Variants in HMBOX1 observed in about 807,000 individuals in gnomAD.
The protein encoded by HMBOX1 is homeobox-containing protein 1.
A neutral mutation model predicts 54.5 loss-of-function variants in HMBOX1; 14 were observed. That is an observed-to-expected ratio of 0.26 (90% CI 0.17 to 0.40). The LOEUF (loss-of-function observed/expected upper bound fraction) is 0.40, where lower values mean the gene tolerates loss of function less well. Among genes scored for constraint, HMBOX1 ranks in the 10% least tolerant of loss-of-function variants. The pLI is 1.00. For missense variants in HMBOX1, 332 were observed against 514.4 expected (o/e 0.65, Z 3.43); for synonymous variants, 160 against 181.0 (o/e 0.88, Z 0.93).
At chr8:28,992,514 A>C (rs2132617317) in intron 4 of HMBOX1, among the ~76,000 whole-genome samples, 1 of 152,264 alleles carries the variant, frequency 6.6e-6, no homozygotes, top group Middle Eastern at 3.4e-3. Flanking sequence ...TGAACAATAA[A>C]TTTACTTTTT....
intron 1 of HMBOX1, among the ~76,000 whole-genome samples, chr8:28,911,377 T>C (rs1585724760): frequency 6.6e-6 from 1 of 152,176 alleles, no homozygotes; most frequent in Admixed American, 6.5e-5. Flanking sequence ...TTGACTTTTT[T>C]TGAAGTCTCC....
At chr8:28,955,402 G>C (rs1206731646) in intron 1 of HMBOX1, among the ~76,000 whole-genome samples, 1 of 152,020 alleles carries the variant, frequency 6.6e-6, no homozygotes, top group African/African-American at 2.4e-5. Context: ...ATGTATGTCT[G>C]CCTTTAGATA....
rs182258797 is a variant in HMBOX1 at position 28,929,498 on chromosome 8, A to G, written c.-57-34313A>G. On this transcript the variant is annotated intron_variant, in intron 1 of 9. Coordinates refer to ENST00000287701, the MANE Select transcript of HMBOX1 (RefSeq NM_001135726.3). The stretch of plus-strand genomic sequence containing the variant: ...ATGCCAGAAATATTTAGGATGTTAA[A>G]TTGACAGGACTTTGAATTGGATATG... Among the ~76,000 whole-genome samples, 47 of 152,340 alleles carry G rather than the reference A, an allele frequency of 3.1e-4. 1 individual carries two copies. The East Asian group carries it at 9.1e-3, about 29-fold the overall frequency.
intron 1 of HMBOX1, among the ~76,000 whole-genome samples, chr8:28,904,705 C>G (rs936613407): frequency 2.1e-5 from 3 of 146,320 alleles, no homozygotes; most frequent in Non-Finnish European, 4.5e-5. Flanking sequence ...GAGATGGAGT[C>G]TCGCTCTGTC....
At chr8:28,991,856 C>G (rs1248090980) in intron 4 of HMBOX1, among the ~76,000 whole-genome samples, 1 of 152,156 alleles carries the variant, frequency 6.6e-6, no homozygotes, top group East Asian at 1.9e-4. Flanking sequence ...AGCCTGCACC[C>G]TCTTAGCTAA....
chr8:29,045,420 G>A lies in HMBOX1; in HGVS notation c.911G>A (p.Cys304Tyr). 6.2e-7 allele frequency: 1 copy of A among 1,614,158 alleles called. No individual in the cohort carries two copies. The highest frequency in any genetic ancestry group is 8.5e-7 in the Non-Finnish European group (1 of 1,179,978). ...EAKREEIANA[C>Y]NAVIQKPGKK... The stretch of plus-strand genomic sequence containing the variant: ...AAGAGGGAAGAAATTGCAAACGCTT[G>A]CAATGCAGTTATACAGAAGCCAGGT... Residue 304 changes from cysteine (C) to tyrosine (Y), a missense_variant, in exon 7 of 10, where the codon TGC (cysteine) becomes TAC (tyrosine). Cys to Tyr is a radical substitution (Grantham distance 194). This residue lies in a region of HMBOX1 where 117 missense variants were observed against 220.0 expected (regional missense o/e 0.53). Coordinates refer to ENST00000287701, the MANE Select transcript of HMBOX1 (RefSeq NM_001135726.3).
At chr8:29,034,444 CTG>C (rs1803510778) in intron 6 of HMBOX1, among the ~76,000 whole-genome samples, 1 of 152,224 alleles carries the variant, frequency 6.6e-6, no homozygotes, top group Admixed American at 6.5e-5. Context: ...TGCAGTGTGA[CTG>C]TGAAGAAATT....
chr8:29,019,368 C>G (rs1194710985), intron 6 of HMBOX1, among the ~76,000 whole-genome samples: 1 of 151,758 alleles, frequency 6.6e-6, no homozygotes, highest in East Asian at 1.9e-4. Context: ...AATTTATCCT[C>G]TCATTCTGTC....
At chr8:28,905,329 G>T (rs1176102866) in intron 1 of HMBOX1, among the ~76,000 whole-genome samples, 1 of 151,894 alleles carries the variant, frequency 6.6e-6, no homozygotes, top group Non-Finnish European at 1.5e-5. Flanking sequence ...AAAACCAGGC[G>T]CGCGTGCATG....
chr8:29,035,320 G>A (rs916653096), intron 6 of HMBOX1, among the ~76,000 whole-genome samples: 3 of 152,198 alleles, frequency 2.0e-5, no homozygotes, highest in Admixed American at 1.3e-4. Flanking sequence ...TTGGTCAGTC[G>A]TGTCAGGTTT....
intron 3 of HMBOX1, among the ~76,000 whole-genome samples, chr8:28,975,174 A>G (rs1828165147): frequency 6.6e-6 from 1 of 152,178 alleles, no homozygotes; most frequent in Admixed American, 6.6e-5. Flanking sequence ...TTATATGCAA[A>G]CCCCATAATT....
chr8:28,941,873 C>G (rs530664699), intron 1 of HMBOX1, among the ~76,000 whole-genome samples: 1 of 152,224 alleles, frequency 6.6e-6, no homozygotes, highest in Non-Finnish European at 1.5e-5. Flanking sequence ...CTTTTAGTTT[C>G]CTCTTGCTTA....
chr8:28,909,095 T>TAAA (rs777937494), intron 1 of HMBOX1, among the ~76,000 whole-genome samples: 1 of 129,408 alleles, frequency 7.7e-6, no homozygotes, highest in Non-Finnish European at 1.7e-5. Context: ...ACCCTATCTC[T>TAAA]AAAAAAAAAA....
At chr8:28,989,442 G>A (rs988910379) in intron 4 of HMBOX1, among the ~76,000 whole-genome samples, 10 of 152,150 alleles carry the variant, frequency 6.6e-5, no homozygotes, top group Admixed American at 6.5e-4. Context: ...TAGAGATCCA[G>A]TTGTTGGAAA....
intron 2 of HMBOX1, among the ~76,000 whole-genome samples, chr8:28,968,686 A>G (rs116964440): frequency 0.015 from 2,212 of 152,336 alleles, 18 homozygotes; most frequent in Non-Finnish European, 0.02. Context: ...TTCAATAGCT[A>G]TAGGACACTG....
intron 1 of HMBOX1, among the ~76,000 whole-genome samples, chr8:28,914,672 G>A (rs1337358412): frequency 6.6e-6 from 1 of 152,206 alleles, no homozygotes; most frequent in Non-Finnish European, 1.5e-5. Flanking sequence ...CTAAGTTAGA[G>A]GGTCAGTAAC....
intron 2 of HMBOX1, 38 bp downstream of exon 2, chr8:28,963,928 TC>T: frequency 6.6e-7 from 1 of 1,506,314 alleles, no homozygotes; most frequent in Non-Finnish European, 9.2e-7. Flanking sequence ...ATCTTCACAA[TC>T]ATTTTAGTAA....
chr8:28,967,548 C>G (rs2132317730), intron 2 of HMBOX1, among the ~76,000 whole-genome samples: 1 of 152,228 alleles, frequency 6.6e-6, no homozygotes, highest in South Asian at 2.1e-4. Context: ...ACTAACTGCT[C>G]TGATATGAAT....
intron 1 of HMBOX1, among the ~76,000 whole-genome samples, chr8:28,924,450 ATTT>A (rs201997388): frequency 1.7e-4 from 22 of 127,814 alleles, no homozygotes; most frequent in Admixed American, 3.1e-4. Context: ...AATTTATCTA[ATTT>A]TTTTTTTTTT....
Sources: gnomAD v4.1 joint callset for allele counts (sites outside exome capture counted in the v4.1 genomes callset) on GRCh38, gnomAD v4.1.1 for gene constraint, gnomAD v4.1.1 regional missense constraint, MANE v1.5 for transcripts, NCBI Gene and HGNC (gene_info 2026-07-23, HGNC 2026-07-21) for gene names.